Variants in ARHGEF7 observed in about 807,000 individuals in gnomAD.
ARHGEF7 encodes PAK-interacting exchange factor beta.
ARHGEF7 carries 33 observed loss-of-function variants against 109.8 expected under a neutral mutation model. That is an observed-to-expected ratio of 0.30 (90% confidence interval 0.23 to 0.40). The LOEUF (loss-of-function observed/expected upper bound fraction) is 0.40. Among genes scored for constraint, ARHGEF7 ranks in the 10% least tolerant of loss-of-function variants. ARHGEF7 has a pLI of 1.00. For missense variants in ARHGEF7, 938 were observed against 1,098.5 expected, an observed-to-expected ratio of 0.85 and a Z score of 2.07; for synonymous variants, 458 against 424.6, an observed-to-expected ratio of 1.08 and a Z score of -0.97.
At chr13:111,229,071 A>G (rs576638271) in intron 5 of ARHGEF7, among the ~76,000 whole-genome samples, 46 of 151,796 alleles carry the variant, frequency 3.0e-4, no homozygotes, top group African/African-American at 1.0e-3. Flanking sequence ...TGGGGAGGGC[A>G]TTGCACCTGG....
At chr13:111,146,706 A>C (rs961164296) in intron 1 of ARHGEF7, among the ~76,000 whole-genome samples, 1 of 152,048 alleles carries the variant, frequency 6.6e-6, no homozygotes, top group Non-Finnish European at 1.5e-5. Flanking sequence ...AAATTCTGAG[A>C]GGTGGCAGCT....
At chr13:111,171,562 C>T (rs2077596163) in intron 2 of ARHGEF7, among the ~76,000 whole-genome samples, 1 of 152,168 alleles carries the variant, frequency 6.6e-6, no homozygotes, top group Non-Finnish European at 1.5e-5. Flanking sequence ...GAAGTTGGCT[C>T]ATTATGTATG....
chr13:111,243,455 G>A (rs2088191667), intron 6 of ARHGEF7, among the ~76,000 whole-genome samples: 1 of 152,064 alleles, frequency 6.6e-6, no homozygotes, highest in South Asian at 2.1e-4. Flanking sequence ...GATTAGTTTT[G>A]TCATCTCTTA....
intron 1 of ARHGEF7, among the ~76,000 whole-genome samples, chr13:111,116,076 A>C (rs1188688917): frequency 1.3e-5 from 2 of 152,186 alleles, no homozygotes; most frequent in East Asian, 3.9e-4. Flanking sequence ...GGTGCGGCTC[A>C]CTCCGCTGGC....
At chr13:111,262,912 G>A (rs149126141) in intron 8 of ARHGEF7, among the ~76,000 whole-genome samples, 30 of 152,304 alleles carry the variant, frequency 2.0e-4, no homozygotes, top group African/African-American at 7.2e-4. Context: ...GGCATGATGC[G>A]TGCTGCCTCT....
Position 111,277,633 on chromosome 13 carries a change from T to A in ARHGEF7, c.1466T>A (p.Met489Lys). ...CTACTCTTCCCAAATGTTTTGCTAATGTTGTCTGCCAGTCCTAGGATGAGT... is the reference window on the plus strand; with the variant it reads ...CTACTCTTCCCAAATGTTTTGCTAAAGTTGTCTGCCAGTCCTAGGATGAGT... Reference protein sequence around the residue: ...YLLLFPNVLLMLSASPRMSGF... With the variant: ...YLLLFPNVLLKLSASPRMSGF... Residue 489 changes from methionine to lysine, a missense_variant, in exon 13 of 22, where the codon ATG becomes AAG. Physicochemically the swap from Met to Lys is moderately conservative, Grantham distance 95. Around this residue, in one of 4 missense-constraint regions of ARHGEF7, gnomAD observed 585 missense variants for 723.6 expected, o/e 0.81. Transcript: ENST00000646102. 1 of 1,608,440 alleles carries A rather than the reference T, an allele frequency of 6.2e-7. No individual in the cohort carries two copies. The highest frequency in any genetic ancestry group is 8.5e-7 in the Non-Finnish European group (1 of 1,175,114).
chr13:111,233,219 C>G lies in ARHGEF7; in HGVS notation c.685C>G (p.Pro229Ala), dbSNP rs772512567. ...EVKASEKPVS[P>A]KSGTLKSPPK... The stretch of plus-strand genomic sequence containing the variant: ...TTTCATTTCAGAGAAGCCTGTGTCT[C>G]CCAAATCAGGAACACTGAAGAGCCC... The change falls in exon 6 of 22, where the codon CCC becomes GCC. Residue 229 changes from proline (P) to alanine (A), a missense_variant. Physicochemically the swap from Pro to Ala is conservative, Grantham distance 27. This residue lies in a region of ARHGEF7 where 585 missense variants were observed against 723.6 expected (regional missense o/e 0.81). Transcript: ENST00000646102. 1.9e-6 allele frequency: 3 copies of G among 1,613,906 alleles called. No individual in the cohort carries two copies. Among genetic ancestry groups the G allele is most frequent in the Non-Finnish European group, 2.5e-6 (3 of 1,179,832 alleles).
chr13:111,248,080 G>A lies in ARHGEF7; in HGVS notation c.950+3786G>A, dbSNP rs1013733348. On this transcript the variant is annotated intron_variant, in intron 8 of 21. Coordinates refer to ENST00000646102, the MANE Select transcript of ARHGEF7 (RefSeq NM_001354046.2). Reference sequence around the variant, plus strand: ...AACACTTTAGTTTTTTGTAATTCAGGTGTGTTACTGACAAACATGATCTTG... The same window carrying A: ...AACACTTTAGTTTTTTGTAATTCAGATGTGTTACTGACAAACATGATCTTG... Among the ~76,000 whole-genome samples the A allele has an allele frequency of 3.3e-5, 5 of 152,066 alleles. No individual in the cohort carries two copies. The East Asian group carries it at 9.6e-4, about 29-fold the overall frequency.
chr13:111,185,441 C>T (rs2079154558), intron 2 of ARHGEF7, among the ~76,000 whole-genome samples: 1 of 152,174 alleles, frequency 6.6e-6, no homozygotes, highest in Admixed American at 6.5e-5. Flanking sequence ...TTTTCTTTCT[C>T]TCATTTCGGT....
Position 111,304,551 on chromosome 13 carries a change from A to G in ARHGEF7, c.*1438A>G, listed in dbSNP as rs999584117. On this transcript the variant is annotated 3_prime_UTR_variant, in exon 22 of 22. Coordinates refer to ENST00000646102, the MANE Select transcript of ARHGEF7 (RefSeq NM_001354046.2). ...GATTTGACTCTCTGATTTTCTGTCTATTGGCCAAATTGCCCTTTAACTGCA... is the reference window on the plus strand; with the variant it reads ...GATTTGACTCTCTGATTTTCTGTCTGTTGGCCAAATTGCCCTTTAACTGCA... 2.0e-5 allele frequency: 3 copies of G among 152,218 alleles called. No individual in the cohort carries two copies. Among genetic ancestry groups the G allele is most frequent in the Non-Finnish European group, 4.4e-5 (3 of 68,052 alleles). The allele number at this position is 152,218 out of a possible 1,614,324, so 9.4% of individuals were successfully genotyped here. A position where few individuals can be genotyped will look rare whatever the true frequency, so the allele number is the denominator to read the frequency against.
intron 17 of ARHGEF7, among the ~76,000 whole-genome samples, chr13:111,287,120 C>T (rs1224573677): frequency 6.6e-6 from 1 of 152,176 alleles, no homozygotes; most frequent in African/African-American, 2.4e-5. Context: ...GTGAGGTGAC[C>T]GTGCTGGGGT....
At chr13:111,204,058 G>C (rs1221958448) in intron 2 of ARHGEF7, among the ~76,000 whole-genome samples, 2 of 152,170 alleles carry the variant, frequency 1.3e-5, no homozygotes, top group African/African-American at 4.8e-5. Flanking sequence ...CGTGTTCTGG[G>C]GGAGCCTGGC....
At position 111,228,911 on chromosome 13, in the gene ARHGEF7, G is replaced by A. The variant is rs938146955; in HGVS notation, c.671-4294G>A. ...CTGGACTTTGCTGGGTTGGTGACAC[G>A]TCACAAATGAAAGCGTAACCACTGA... On this transcript the variant is annotated intron_variant, in intron 5 of 21. Coordinates refer to ENST00000646102, the MANE Select transcript of ARHGEF7 (RefSeq NM_001354046.2). The surrounding 1 kb of genome is among the most constrained non-coding windows in gnomAD (Gnocchi z 4.6). Among the ~76,000 whole-genome samples, 2 of 152,034 alleles carry A rather than the reference G, an allele frequency of 1.3e-5. No individual in the cohort carries two copies. Among genetic ancestry groups the A allele is most frequent in the African/African-American group, 4.8e-5 (2 of 41,394 alleles).
chr13:111,285,793 C>T (rs2092994751), intron 16 of ARHGEF7, among the ~76,000 whole-genome samples: 1 of 152,084 alleles, frequency 6.6e-6, no homozygotes, highest in African/African-American at 2.4e-5. Context: ...GAGCAGCTGC[C>T]CCCTCCTCTC....
rs371655137 is a variant in ARHGEF7 at position 111,299,168 on chromosome 13, G to A, written c.2312-1580G>A. Among the ~76,000 whole-genome samples, 11 of 152,212 alleles carry A rather than the reference G, an allele frequency of 7.2e-5. No individual in the cohort carries two copies. The East Asian group carries it at 1.4e-3, about 19-fold the overall frequency. On this transcript the variant is annotated intron_variant, in intron 19 of 21. Transcript: ENST00000646102. The stretch of plus-strand genomic sequence containing the variant: ...TGCAGACGCACAAGGGGCAGCACCT[G>A]GCCAGTGAGCTCCAGGCCTGGTTCC...
rs999887703 is a variant in ARHGEF7 at position 111,305,651 on chromosome 13, A to G, written c.*2538A>G. On this transcript the variant is annotated 3_prime_UTR_variant, in exon 22 of 22. Coordinates refer to ENST00000646102, the MANE Select transcript of ARHGEF7 (RefSeq NM_001354046.2). ...TGGAGAAACTCCTAATTTAAATGTCACAGACAATGTCCTAGTGTTGACTAC... is the reference window on the plus strand; with the variant it reads ...TGGAGAAACTCCTAATTTAAATGTCGCAGACAATGTCCTAGTGTTGACTAC... 2.0e-5 allele frequency: 3 copies of G among 152,250 alleles called. No homozygotes were observed. The highest frequency in any genetic ancestry group is 4.8e-5 in the African/African-American group (2 of 41,464). The allele number at this position is 152,250 out of a possible 1,614,324, so 9.4% of individuals were successfully genotyped here. A position where few individuals can be genotyped will look rare whatever the true frequency, so the allele number is the denominator to read the frequency against.
intron 1 of ARHGEF7, among the ~76,000 whole-genome samples, chr13:111,118,848 G>A (rs189131738): frequency 8.8e-4 from 134 of 152,294 alleles, no homozygotes; most frequent in African/African-American, 3.2e-3. Context: ...TTCTTTCTCT[G>A]TGTGTCCCAG....
At chr13:111,133,153 G>A (rs540550864) in intron 1 of ARHGEF7, among the ~76,000 whole-genome samples, 3 of 151,938 alleles carry the variant, frequency 2.0e-5, no homozygotes, top group South Asian at 4.2e-4. Flanking sequence ...ACATGTGCAC[G>A]TGTATATATG....
chr13:111,174,835 T>G (rs1389159801), intron 2 of ARHGEF7, among the ~76,000 whole-genome samples: 1 of 151,170 alleles, frequency 6.6e-6, no homozygotes, highest in African/African-American at 2.5e-5. Context: ...AGCAGTTTGC[T>G]GATAACTCAG....
Sources: gnomAD v4.1 joint callset for allele counts (sites outside exome capture counted in the v4.1 genomes callset) on GRCh38, gnomAD v4.1.1 for gene constraint, gnomAD v4.1.1 regional missense constraint, Gnocchi (gnomAD v3.1) non-coding constraint, MANE v1.5 for transcripts, NCBI Gene and HGNC (gene_info 2026-07-23, HGNC 2026-07-21) for gene names.